Variants in TANGO6 observed in about 807,000 individuals in gnomAD.
The protein encoded by TANGO6 is transport and golgi organization 6 homolog, also known as transport and Golgi organization protein 6 homolog.
Under a neutral mutation model 114.2 loss-of-function variants are expected in TANGO6, and 90 were observed. The ratio of observed to expected loss-of-function variants is 0.79; its 90% CI spans 0.66 to 0.94. The LOEUF is 0.94. Ranked by LOEUF, TANGO6 falls within the 40% of genes least tolerant of loss-of-function variation. The probability of loss-of-function intolerance (pLI) is 0.00; values close to 1 mark genes in which losing one functional copy is unlikely to be tolerated. For synonymous variants in TANGO6, 477 were observed against 509.8 expected (o/e 0.94, Z 0.87); for missense variants, 1,274 against 1,315.3 (o/e 0.97, Z 0.49).
At chr16:68,970,667 C>CAA (rs11291012) in intron 14 of TANGO6, among the ~76,000 whole-genome samples, 49 of 110,598 alleles carry the variant, frequency 4.4e-4, no homozygotes, top group African/African-American at 1.7e-3. Context: ...AACTTCGTCT[C>CAA]AAAAAAAAAA....
chr16:69,062,158 A>C (rs1730523575), intron 17 of TANGO6, among the ~76,000 whole-genome samples: 1 of 152,222 alleles, frequency 6.6e-6, no homozygotes, highest in South Asian at 2.1e-4. Context: ...TTGTGGGTCA[A>C]AACTTATTCT....
At chr16:69,056,270 C>T (rs962499762) in intron 17 of TANGO6, among the ~76,000 whole-genome samples, 19 of 152,206 alleles carry the variant, frequency 1.2e-4, no homozygotes, top group African/African-American at 4.1e-4. Context: ...ATCAGATTTA[C>T]AATATTTTAT....
intron 14 of TANGO6, among the ~76,000 whole-genome samples, chr16:68,968,199 G>A (rs989338540): frequency 6.6e-6 from 1 of 151,926 alleles, no homozygotes; most frequent in African/African-American, 2.4e-5. Context: ...CCGAATAGCT[G>A]GGACTACAGG....
At chr16:68,936,155 T>A (rs1963297497) in intron 14 of TANGO6, among the ~76,000 whole-genome samples, 1 of 152,088 alleles carries the variant, frequency 6.6e-6, no homozygotes, top group African/African-American at 2.4e-5. Flanking sequence ...CTGCACTCCA[T>A]CCTAGGTGAC....
chr16:69,046,582 A>G (rs1302472848), intron 17 of TANGO6, among the ~76,000 whole-genome samples: 3 of 152,072 alleles, frequency 2.0e-5, no homozygotes, highest in Non-Finnish European at 4.4e-5. Context: ...TCCTTGCCAA[A>G]GTGCTGGGAT....
Position 68,927,962 on chromosome 16 carries a change from AG to A in TANGO6, c.2524del (p.Val842PhefsTer24). On this transcript the variant is annotated frameshift_variant, in exon 13 of 18. Coordinates refer to ENST00000261778, the MANE Select transcript of TANGO6 (RefSeq NM_024562.2). LOFTEE classifies it high-confidence loss of function. ...AGCGTAACCACAGAACAGCTCCAAGAGGTTCTTTTGTCAGCTTATGACCCTC... is the reference window on the plus strand; with the variant it reads ...AGCGTAACCACAGAACAGCTCCAAGAGTTCTTTTGTCAGCTTATGACCCTC... ...SGSVTTEQLQEVLLSAYDPQI... is the reference protein window; with the variant it reads ...SGSVTTEQLQXVLLSAYDPQI... The A allele has an allele frequency of 6.2e-7, 1 of 1,613,722 alleles. No individual in the cohort carries two copies. Among genetic ancestry groups the A allele is most frequent in the East Asian group, 2.2e-5 (1 of 44,890 alleles).
intron 17 of TANGO6, among the ~76,000 whole-genome samples, chr16:69,050,437 G>C (rs1959930577): frequency 6.6e-6 from 1 of 151,814 alleles, no homozygotes; most frequent in Non-Finnish European, 1.5e-5. Context: ...AAACTCCTAG[G>C]CTCAAGCAAT....
chr16:68,969,016 T>C (rs1963677658), intron 14 of TANGO6, among the ~76,000 whole-genome samples: 1 of 152,196 alleles, frequency 6.6e-6, no homozygotes. Flanking sequence ...TTCTACGCAC[T>C]GCCTCCAAAA....
rs574865320 is a variant in TANGO6 at position 68,974,219 on chromosome 16, C to G, written c.2842+51C>G. 68 of 1,610,652 alleles carry G rather than the reference C, an allele frequency of 4.2e-5. No homozygotes were observed. The African/African-American group carries it at 8.1e-4, about 19-fold the overall frequency. ...GGAAAAGGGTGGAGGATCAGTGTGA[C>G]TTTGAAACCAAAATGTGTGTACCTG... On this transcript the variant is annotated intron_variant, in intron 15 of 17. Coordinates refer to ENST00000261778, the MANE Select transcript of TANGO6 (RefSeq NM_024562.2).
intron 7 of TANGO6, among the ~76,000 whole-genome samples, chr16:68,892,872 C>G (rs905917913): frequency 6.6e-6 from 1 of 152,110 alleles, no homozygotes; most frequent in African/African-American, 2.4e-5. Flanking sequence ...GCTTTTATCA[C>G]ACCACGCAAT....
At chr16:68,938,530 C>G (rs891975681) in intron 14 of TANGO6, among the ~76,000 whole-genome samples, 1 of 152,026 alleles carries the variant, frequency 6.6e-6, no homozygotes, top group African/African-American at 2.4e-5. Flanking sequence ...GGTCTCTCAA[C>G]TCCATTTTAG....
At chr16:69,040,589 G>A (rs1959757629) in intron 17 of TANGO6, among the ~76,000 whole-genome samples, 168 bp downstream of exon 17, 1 of 152,026 alleles carries the variant, frequency 6.6e-6, no homozygotes, top group African/African-American at 2.4e-5. Flanking sequence ...TTGTATCTTC[G>A]GTGTATGTCT....
In TANGO6 at chr16:68,880,500, A is replaced by G. The variant is rs373761121; in HGVS notation, c.1295-48A>G. ...TCCTTCCTTAGCTTTAGTATGTCCT[A>G]TTCAGTGAGGCACTAAATATGGGTA... On this transcript the variant is annotated intron_variant, in intron 6 of 17. Transcript: ENST00000261778. 4.9e-5 allele frequency: 71 copies of G among 1,446,734 alleles called. No individual in the cohort carries two copies. The East Asian group carries it at 5.5e-4, about 11-fold the overall frequency. The allele number at this position is 1,446,734 out of a possible 1,614,324, so 89.6% of individuals were successfully genotyped here.
chr16:68,882,231 T>C (rs1019480501), intron 7 of TANGO6, among the ~76,000 whole-genome samples: 5 of 152,000 alleles, frequency 3.3e-5, no homozygotes, highest in Admixed American at 6.6e-5. Context: ...GCACGGTGGC[T>C]CACACCTGTA....
intron 4 of TANGO6, among the ~76,000 whole-genome samples, chr16:68,868,386 G>A (rs1962212553): frequency 6.6e-6 from 1 of 151,588 alleles, no homozygotes; most frequent in South Asian, 2.1e-4. Context: ...GACTTATAGT[G>A]AAAAATAGCA....
At chr16:69,022,182 G>A (rs2152227995) in intron 15 of TANGO6, among the ~76,000 whole-genome samples, 1 of 152,018 alleles carries the variant, frequency 6.6e-6, no homozygotes, top group East Asian at 1.9e-4. Context: ...CACCGCGCCT[G>A]GCCGTGTATG....
At chr16:69,034,112 A>G (rs1959647938) in intron 16 of TANGO6, 1 of 154,106 alleles carries the variant, frequency 6.5e-6, no homozygotes, top group Non-Finnish European at 1.5e-5. Flanking sequence ...CCAAGGGACC[A>G]TCACCCTGGC....
chr16:69,063,098 C>T (rs566748868), intron 17 of TANGO6, among the ~76,000 whole-genome samples: 1 of 151,794 alleles, frequency 6.6e-6, no homozygotes, highest in East Asian at 2.0e-4. Flanking sequence ...CATAATGGTG[C>T]GTGCCTGTAG....
chr16:69,054,823 C>T (rs1329213195), intron 17 of TANGO6, among the ~76,000 whole-genome samples: 2 of 151,864 alleles, frequency 1.3e-5, no homozygotes, highest in East Asian at 3.9e-4. Context: ...TGCCTGTAGT[C>T]CCAGCCATTC....
Sources: gnomAD v4.1 joint callset for allele counts (sites outside exome capture counted in the v4.1 genomes callset) on GRCh38, gnomAD v4.1.1 for gene constraint, MANE v1.5 for transcripts, NCBI Gene and HGNC (gene_info 2026-07-23, HGNC 2026-07-21) for gene names.